The following LPIN2 variants were observed in gnomAD, a reference collection of about 807,000 sequenced individuals.
The protein encoded by LPIN2 is phosphatidate phosphatase LPIN2.
Under a neutral mutation model 111.4 loss-of-function variants are expected in LPIN2, and 55 were observed. The observed-to-expected ratio is 0.49, with a 90% CI of 0.40 to 0.62. LPIN2 has a LOEUF of 0.62. Ranked by LOEUF, LPIN2 falls within the 20% of genes least tolerant of loss-of-function variation. The probability of loss-of-function intolerance (pLI) is 0.00; values close to 1 mark genes in which losing one functional copy is unlikely to be tolerated. For synonymous variants in LPIN2, 425 were observed against 414.0 expected, an observed-to-expected ratio of 1.03 and a Z score of -0.32; for missense variants, 992 against 1,112.1, an observed-to-expected ratio of 0.89 and a Z score of 1.54.
chr18:2,979,302 C>G (rs1043719032), intron 1 of LPIN2, among the ~76,000 whole-genome samples: 1 of 152,182 alleles, frequency 6.6e-6, no homozygotes, highest in Admixed American at 6.5e-5. Flanking sequence ...ACAGGGCTCA[C>G]CAGGCACTCT....
At chr18:2,989,461 G>C (rs2078232273) in intron 1 of LPIN2, among the ~76,000 whole-genome samples, 1 of 152,078 alleles carries the variant, frequency 6.6e-6, no homozygotes, top group African/African-American at 2.4e-5. Flanking sequence ...ATATTGTTAA[G>C]ATGCCAATAT....
At chr18:2,930,276 G>A (rs959364634) in intron 9 of LPIN2, among the ~76,000 whole-genome samples, 2 of 152,086 alleles carry the variant, frequency 1.3e-5, no homozygotes, top group African/African-American at 2.4e-5. Flanking sequence ...GCATTCCCTC[G>A]CATATAATTT....
chr18:2,948,161 C>T (rs1277633855), intron 4 of LPIN2: 3 of 152,142 alleles, frequency 2.0e-5, no homozygotes, highest in African/African-American at 7.2e-5. Context: ...AAGGAAATTT[C>T]ATGGAAGAGC....
In LPIN2 at chr18:2,924,508, C is replaced by T; in HGVS notation, c.1977G>A (p.Val659=). The T allele has an allele frequency of 6.2e-7, 1 of 1,614,200 alleles. No homozygotes were observed. Among genetic ancestry groups the T allele is most frequent in the Non-Finnish European group, 8.5e-7 (1 of 1,180,020 alleles). ...LKLHDGPNDV[V]FSITTQYQGT... is the part of the protein sequence containing the mutation. ...CTTGATACTGGGTTGTAATACTAAA[C>T]ACAACATCATTTGGGCCATCGTGGA... The change falls in exon 15 of 20, where the codon GTG becomes GTA. Residue 659 remains valine (V), a synonymous_variant. Transcript: ENST00000677752.
At chr18:2,964,518 C>T (rs2077763183) in intron 1 of LPIN2, among the ~76,000 whole-genome samples, 1 of 152,148 alleles carries the variant, frequency 6.6e-6, no homozygotes, top group South Asian at 2.1e-4. Context: ...CCAGACCACG[C>T]TCTCTTTCCT....
intron 2 of LPIN2, among the ~76,000 whole-genome samples, chr18:2,958,163 A>AAAAAAAAAAAAAAAAAAAAAAAAAG (rs1568571278): frequency 7.0e-6 from 1 of 142,664 alleles, no homozygotes; most frequent in Non-Finnish European, 1.6e-5. Flanking sequence ...AAAAACAACA[A>AAAAAAAAAAAAAAAAAAAAAAAAAG]AAAAAAAAAA....
chr18:2,989,014 G>A (rs2078225376), intron 1 of LPIN2, among the ~76,000 whole-genome samples: 1 of 152,094 alleles, frequency 6.6e-6, no homozygotes, highest in South Asian at 2.1e-4. Flanking sequence ...ACACAATCCT[G>A]GCAGCCAAGC....
intron 7 of LPIN2, among the ~76,000 whole-genome samples, chr18:2,935,683 G>GA (rs1249422572): frequency 6.6e-6 from 1 of 152,188 alleles, no homozygotes; most frequent in Non-Finnish European, 1.5e-5. Context: ...GCTATGCAGA[G>GA]AATGTTCACA....
At chr18:2,996,146 G>C (rs1441307992) in intron 1 of LPIN2, among the ~76,000 whole-genome samples, 2 of 152,030 alleles carry the variant, frequency 1.3e-5, no homozygotes, top group East Asian at 3.9e-4. Context: ...TGAGACCATC[G>C]TGGTCAACAC....
intron 1 of LPIN2, among the ~76,000 whole-genome samples, chr18:2,996,709 C>A: frequency 6.6e-6 from 1 of 151,916 alleles, no homozygotes; most frequent in East Asian, 2.0e-4. Flanking sequence ...GATCTCCTGA[C>A]GTCATGATCC....
intron 2 of LPIN2, among the ~76,000 whole-genome samples, chr18:2,956,814 T>A (rs584853): frequency 1.3e-5 from 2 of 151,990 alleles, no homozygotes; most frequent in Non-Finnish European, 2.9e-5. Context: ...ATGTGACTAC[T>A]TATCATCTTT....
chr18:2,950,679 C>T (rs73375278), intron 4 of LPIN2: 4,506 of 276,668 alleles, frequency 0.016, 60 homozygotes, highest in Middle Eastern at 0.062. Context: ...AAACTCAACT[C>T]CTCAGGAAAA....
At chr18:2,920,905 G>A (rs753663314) in intron 18 of LPIN2, 24 bp from the exon 19 acceptor site, 3 of 1,507,428 alleles carry the variant, frequency 2.0e-6, no homozygotes, top group Non-Finnish European at 2.8e-6. Flanking sequence ...TAGCAAGCGG[G>A]TGATTCCAGG....
chr18:2,982,289 A>C (rs2078122853), intron 1 of LPIN2, among the ~76,000 whole-genome samples: 1 of 152,180 alleles, frequency 6.6e-6, no homozygotes, highest in Non-Finnish European at 1.5e-5. Flanking sequence ...AAACTGTAAC[A>C]CTTTTATATG....
chr18:3,002,436 G>GT (rs1419277482), intron 1 of LPIN2, among the ~76,000 whole-genome samples: 2 of 152,070 alleles, frequency 1.3e-5, no homozygotes, highest in Non-Finnish European at 2.9e-5. Context: ...TTAAATTTTA[G>GT]TCAAACGCTC....
At chr18:3,012,649 C>G (rs766741838) in intron 1 of LPIN2, among the ~76,000 whole-genome samples, 1 of 152,172 alleles carries the variant, frequency 6.6e-6, no homozygotes, top group East Asian at 1.9e-4. Flanking sequence ...CCCGCAGGGC[C>G]GGGGGCGGGA....
intron 7 of LPIN2, among the ~76,000 whole-genome samples, chr18:2,934,905 C>CA (rs1184174395): frequency 6.6e-6 from 1 of 152,030 alleles, no homozygotes; most frequent in East Asian, 1.9e-4. Context: ...TACAAAAGGA[C>CA]AAAAAATACT....
chr18:2,920,329 G>T lies in LPIN2; in HGVS notation c.2655C>A (p.Asp885Glu), dbSNP rs140002239. ...CATCCAGGTCCACTTCAGGGATCGG[G>T]TCTCGCCAGTAGCAGAAGGAGCTGA... ...PEFSSFCYWR[D>E]PIPEVDLDDL... Residue 885 changes from aspartate to glutamate, a missense_variant, in exon 20 of 20, where the codon GAC becomes GAA. This residue lies in a region of LPIN2 where 185 missense variants were observed against 186.5 expected (regional missense o/e 0.99). Transcript: ENST00000677752. 16 of 1,614,184 alleles carry T rather than the reference G, an allele frequency of 9.9e-6. No individual in the cohort carries two copies. Among genetic ancestry groups the T allele is most frequent in the African/African-American group, 9.3e-5 (7 of 75,064 alleles).
chr18:2,984,341 C>G (rs2078156325), intron 1 of LPIN2, among the ~76,000 whole-genome samples: 1 of 152,156 alleles, frequency 6.6e-6, no homozygotes, highest in Non-Finnish European at 1.5e-5. Flanking sequence ...ACATCATGTA[C>G]ACAAACTCCT....
Sources: allele counts gnomAD v4.1 joint callset (sites outside exome capture counted in the v4.1 genomes callset), GRCh38; gene constraint gnomAD v4.1.1; regional missense constraint gnomAD v4.1.1; transcripts MANE v1.5; gene names NCBI Gene and HGNC (gene_info 2026-07-23, HGNC 2026-07-21).